TXLNB: variants seen among roughly 807,000 people sequenced by gnomAD.
TXLNB encodes taxilin beta, also known as beta-taxilin.
In TXLNB, 37 loss-of-function variants were observed where a neutral mutation model predicts 57.4. The observed-to-expected ratio is 0.64, with a 90% confidence interval of 0.50 to 0.85. The LOEUF is 0.85. TXLNB is among the 40% of genes least tolerant of loss of function. The pLI, the probability that TXLNB is intolerant of heterozygous loss-of-function variation, is 0.00. For missense variants in TXLNB, 848 were observed against 825.6 expected (o/e 1.03, Z -0.33); for synonymous variants, 302 against 309.6 (o/e 0.98, Z 0.26).
chr6:139,191,394 G>T, the TXLNB span, among the ~76,000 whole-genome samples: 1 of 152,102 alleles, frequency 6.6e-6, no homozygotes, highest in Non-Finnish European at 1.5e-5. Context: ...ACTCCAGCCT[G>T]GGCAACAAGA....
At chr6:139,164,078 A>ACTCTCTCT in the TXLNB span, among the ~76,000 whole-genome samples, 1 of 78,548 alleles carries the variant, frequency 1.3e-5, no homozygotes. Context: ...ACACACACAC[A>ACTCTCTCT]CACTCTCTCT....
the TXLNB span, among the ~76,000 whole-genome samples, chr6:139,203,231 A>G: frequency 6.6e-6 from 1 of 152,094 alleles, no homozygotes; most frequent in South Asian, 2.1e-4. Flanking sequence ...TTGGATAAAT[A>G]TATTCTTATA....
chr6:139,298,673 G>T, the TXLNB span, among the ~76,000 whole-genome samples: 12 of 152,290 alleles, frequency 7.9e-5, no homozygotes, highest in African/African-American at 2.9e-4. Context: ...TGCAACCCCT[G>T]CATGCCAGCA....
downstream of TXLNB, among the ~76,000 whole-genome samples, chr6:139,236,537 C>T (rs925229032): frequency 2.0e-5 from 3 of 152,190 alleles, no homozygotes; most frequent in Non-Finnish European, 2.9e-5. Flanking sequence ...CATCCTGCTG[C>T]CCTGTGAAGA....
chr6:139,176,869 T>C, the TXLNB span: 3 of 786,628 alleles, frequency 3.8e-6, no homozygotes, highest in Admixed American at 5.7e-5. This position sits in a 1 kb window ranked among gnomAD's most constrained non-coding sequence, Gnocchi z 4.5. Context: ...TCCCAGCATT[T>C]TGGTTTGGAT....
chr6:139,311,463 C>T, the TXLNB span, among the ~76,000 whole-genome samples: 7,021 of 138,644 alleles, frequency 0.051, 533 homozygotes, highest in African/African-American at 0.18. Context: ...TGTCCATAAG[C>T]CCAAGCCATG....
the TXLNB span, among the ~76,000 whole-genome samples, chr6:139,300,577 T>G: frequency 6.6e-6 from 1 of 152,182 alleles, no homozygotes; most frequent in African/African-American, 2.4e-5. Flanking sequence ...CTGCTCCTAA[T>G]GTATCTTATA....
intron 6 of TXLNB, among the ~76,000 whole-genome samples, chr6:139,256,968 G>A (rs146502392): frequency 6.6e-6 from 1 of 152,140 alleles, no homozygotes; most frequent in Non-Finnish European, 1.5e-5. Context: ...AGAGCTGATG[G>A]GTTAAATTGG....
the TXLNB span, among the ~76,000 whole-genome samples, chr6:139,323,820 C>T: frequency 2.0e-5 from 3 of 152,202 alleles, no homozygotes; most frequent in South Asian, 6.2e-4. Context: ...AGCTTCCATT[C>T]CCCTACATCT....
intron 3 of TXLNB, among the ~76,000 whole-genome samples, chr6:139,274,020 T>G (rs1198842309): frequency 6.6e-6 from 1 of 152,270 alleles, no homozygotes; most frequent in Non-Finnish European, 1.5e-5. Context: ...TCTCTTGTTT[T>G]CTTTCTCTTT....
chr6:139,203,741 T>C, the TXLNB span: 5 of 152,196 alleles, frequency 3.3e-5, no homozygotes, highest in African/African-American at 1.2e-4. Context: ...TTTTCTCAAA[T>C]ATAAGCTAAA....
Position 139,240,121 on chromosome 6 carries a change from CAAT to C in TXLNB, c.*2402_*2404del, listed in dbSNP as rs1308936337. 3.9e-5 allele frequency: 6 copies of C among 152,428 alleles called. No homozygotes were observed. Among genetic ancestry groups the C allele is most frequent in the African/African-American group, 1.4e-4 (6 of 41,402 alleles). The allele number at this position is 152,428 out of a possible 1,614,324, so 9.4% of individuals were successfully genotyped here. Reference sequence around the variant, plus strand: ...AATTATAGTTATTTAACTTAGAAAACAATAACTTTAGTGTTTCTAGAAAGTAGA... The same window carrying C: ...AATTATAGTTATTTAACTTAGAAAACAACTTTAGTGTTTCTAGAAAGTAGA... On this transcript the variant is annotated 3_prime_UTR_variant, in exon 10 of 10. Coordinates refer to ENST00000358430, the MANE Select transcript of TXLNB (RefSeq NM_153235.4).
chr6:139,213,265 A>G, the TXLNB span, among the ~76,000 whole-genome samples: 1 of 152,260 alleles, frequency 6.6e-6, no homozygotes, highest in South Asian at 2.1e-4. Context: ...AACAGAAATT[A>G]TAACAAACGG....
the TXLNB span, among the ~76,000 whole-genome samples, chr6:139,190,260 G>A: frequency 2.6e-5 from 4 of 151,140 alleles, no homozygotes; most frequent in Non-Finnish European, 5.9e-5. Context: ...TAAGATCAAG[G>A]TGCCAACAGA....
the TXLNB span, among the ~76,000 whole-genome samples, chr6:139,174,012 T>C: frequency 1.3e-4 from 20 of 152,348 alleles, no homozygotes; most frequent in Admixed American, 3.9e-4. Context: ...TAAGTCTCTA[T>C]ATGCTAAACA....
chr6:139,299,441 A>G, the TXLNB span, among the ~76,000 whole-genome samples: 1 of 152,224 alleles, frequency 6.6e-6, no homozygotes, highest in Non-Finnish European at 1.5e-5. Context: ...ATTAACTGAA[A>G]TGTCAACTGT....
chr6:139,159,300 A>C, the TXLNB span: 1 of 152,148 alleles, frequency 6.6e-6, no homozygotes, highest in Non-Finnish European at 1.5e-5. Context: ...TAAGAGGACC[A>C]TGCTCTCTGC....
At chr6:139,224,194 G>A in the TXLNB span, among the ~76,000 whole-genome samples, 1 of 149,696 alleles carries the variant, frequency 6.7e-6, no homozygotes, top group African/African-American at 2.5e-5. Context: ...ACTATCGCAA[G>A]AACAAAAAAC....
At chr6:139,220,605 C>T in the TXLNB span, among the ~76,000 whole-genome samples, 1 of 152,116 alleles carries the variant, frequency 6.6e-6, no homozygotes, top group African/African-American at 2.4e-5. Context: ...TATGTGCTGC[C>T]CCTTCCCCTC....
Sources: allele counts gnomAD v4.1 joint callset (sites outside exome capture counted in the v4.1 genomes callset), GRCh38; gene constraint gnomAD v4.1.1; non-coding constraint Gnocchi (gnomAD v3.1); transcripts MANE v1.5; gene names NCBI Gene and HGNC (gene_info 2026-07-23, HGNC 2026-07-21).